MRC1: variants seen among roughly 807,000 people sequenced by gnomAD.
MRC1 encodes mannose receptor C-type 1.
A neutral mutation model predicts 102.9 loss-of-function variants in MRC1; 62 were observed. That is an observed-to-expected ratio of 0.60 (90% CI 0.49 to 0.74). The LOEUF (loss-of-function observed/expected upper bound fraction) is 0.74. MRC1 is among the 30% of genes least tolerant of loss of function. MRC1 has a pLI of 0.00. For synonymous variants in MRC1, 457 were observed against 298.4 expected, an observed-to-expected ratio of 1.53 and a Z score of -5.48; for missense variants, 1,237 against 862.8, an observed-to-expected ratio of 1.43 and a Z score of -5.43.
At chr10:17,820,087 G>A (rs1838373113) in intron 1 of MRC1, among the ~76,000 whole-genome samples, 1 of 152,178 alleles carries the variant, frequency 6.6e-6, no homozygotes, top group Non-Finnish European at 1.5e-5. Flanking sequence ...CCACGCTGAG[G>A]AGGGTGAGCT....
intron 12 of MRC1, among the ~76,000 whole-genome samples, chr10:17,869,759 A>C (rs1833328221): frequency 6.6e-6 from 1 of 152,226 alleles, no homozygotes; most frequent in African/African-American, 2.4e-5. Flanking sequence ...TTACCAACAA[A>C]ATATTGAAAC....
intron 9 of MRC1, 64 bp from the exon 10 acceptor site, chr10:17,861,323 T>C: frequency 1.4e-6 from 1 of 726,458 alleles, no homozygotes; most frequent in Admixed American, 2.1e-5. Context: ...CAAATAATAA[T>C]AATATTTTAT....
intron 12 of MRC1, among the ~76,000 whole-genome samples, chr10:17,869,383 G>T (rs1235056829): frequency 1.3e-5 from 2 of 152,162 alleles, no homozygotes; most frequent in Admixed American, 6.5e-5. Flanking sequence ...CAAGGTGAAG[G>T]TTGTCTTCGG....
chr10:17,902,741 G>A (rs1457579006), intron 26 of MRC1, among the ~76,000 whole-genome samples: 3 of 151,988 alleles, frequency 2.0e-5, no homozygotes, highest in African/African-American at 2.4e-5. Flanking sequence ...TTTTCTCCAC[G>A]TTCTTTCAAA....
At chr10:17,839,401 TA>T (rs1838716871) in intron 4 of MRC1, among the ~76,000 whole-genome samples, 1 of 152,210 alleles carries the variant, frequency 6.6e-6, no homozygotes, top group Non-Finnish European at 1.5e-5. Context: ...TAGCTAGTAT[TA>T]AAATGCTACT....
intron 16 of MRC1, 82 bp downstream of exon 16, chr10:17,873,907 C>T (rs1441109730): frequency 1.2e-6 from 1 of 843,212 alleles, no homozygotes; most frequent in Non-Finnish European, 2.1e-6. Context: ...AAATTACTTG[C>T]CCTAGGAAGG....
chr10:17,901,079 C>T, intron 25 of MRC1, 126 bp downstream of exon 25: 4 of 681,010 alleles, frequency 5.9e-6, no homozygotes, highest in Non-Finnish European at 1.1e-5. Context: ...AACATACTCC[C>T]TCACCTATCA....
intron 20 of MRC1, 99 bp from the exon 21 acceptor site, chr10:17,880,968 A>G (rs1833505574): frequency 1.3e-6 from 1 of 759,208 alleles, no homozygotes. Flanking sequence ...ATTTAGCTAT[A>G]ATCTTCATGA....
intron 18 of MRC1, among the ~76,000 whole-genome samples, chr10:17,878,270 A>C (rs1833464188): frequency 6.6e-6 from 1 of 152,216 alleles, no homozygotes; most frequent in African/African-American, 2.4e-5. Context: ...GACATATACA[A>C]ATACTGAATT....
chr10:17,900,959 T>G lies in MRC1; in HGVS notation c.3649+6T>G. The G allele has an allele frequency of 1.3e-6, 1 of 779,982 alleles. No homozygotes were observed. Among genetic ancestry groups the G allele is most frequent in the South Asian group, 1.3e-5 (1 of 74,432 alleles). The allele number at this position is 779,982 out of a possible 1,614,324, so 48.3% of individuals were successfully genotyped here. A position where few individuals can be genotyped will look rare whatever the true frequency, so the allele number is the denominator to read the frequency against. ...TCTCTGTAAAAGATCAGATGGTAAT[T>G]GAATATATAAAAACAGTCAGGGGAT... On this transcript the variant is annotated splice_donor_region_variant and intron_variant, in intron 25 of 29. Transcript: ENST00000569591.
At chr10:17,892,951 A>C (rs1168139160) in intron 22 of MRC1, among the ~76,000 whole-genome samples, 3 of 151,074 alleles carry the variant, frequency 2.0e-5, no homozygotes, top group African/African-American at 4.9e-5. Context: ...CAGAGGTTGC[A>C]GTGAGCCAGG....
intron 3 of MRC1, among the ~76,000 whole-genome samples, chr10:17,832,622 CT>C (rs1838593001): frequency 6.7e-6 from 1 of 148,816 alleles, no homozygotes; most frequent in Non-Finnish European, 1.5e-5. Flanking sequence ...GAGTCTCGCT[CT>C]GTCGCCCAGG....
chr10:17,825,092 A>T (rs895482620), intron 2 of MRC1, among the ~76,000 whole-genome samples: 146 of 152,224 alleles, frequency 9.6e-4, no homozygotes, highest in African/African-American at 3.4e-3. Context: ...AAGATCTCCC[A>T]GCACTTAAGA....
intron 24 of MRC1, among the ~76,000 whole-genome samples, chr10:17,899,440 T>C (rs940574739): frequency 2.6e-4 from 39 of 152,328 alleles, no homozygotes; most frequent in African/African-American, 9.4e-4. Context: ...TGGCAATATT[T>C]ATGACTACAA....
chr10:17,865,554 C>T (rs1241515408), intron 11 of MRC1: 2 of 152,352 alleles, frequency 1.3e-5, no homozygotes, highest in East Asian at 3.9e-4. Context: ...ATGGTATATC[C>T]TTGATGGAAG....
chr10:17,813,682 T>C (rs868957332), intron 1 of MRC1, among the ~76,000 whole-genome samples: 3 of 124,054 alleles, frequency 2.4e-5, no homozygotes, highest in Non-Finnish European at 3.3e-5. Flanking sequence ...CACACACACA[T>C]TATATATATA....
intron 1 of MRC1, among the ~76,000 whole-genome samples, chr10:17,817,498 A>C (rs1838331170): frequency 6.6e-6 from 1 of 152,054 alleles, no homozygotes; most frequent in African/African-American, 2.4e-5. Flanking sequence ...CAGGAAACTT[A>C]TGTCTTTTGT....
intron 3 of MRC1, 41 bp from the exon 4 acceptor site, chr10:17,833,634 C>G: frequency 1.3e-6 from 1 of 780,628 alleles, no homozygotes. Flanking sequence ...GAAGTGTTTT[C>G]TATGCATAAT....
Position 17,855,182 on chromosome 10 carries a change from C to G in MRC1, c.1408-1060C>G, listed in dbSNP as rs1589179906. Among the ~76,000 whole-genome samples the G allele has an allele frequency of 6.6e-5, 10 of 152,256 alleles. 2 individuals carry two copies. The highest frequency in any genetic ancestry group is 1.9e-4 in the East Asian group (1 of 5,186). On this transcript the variant is annotated intron_variant, in intron 8 of 29. Coordinates refer to ENST00000569591, the MANE Select transcript of MRC1 (RefSeq NM_002438.4). ...AAAAGATGACTGTGGTTTCATGATGCTTTCAAGTTGGTGTGTTGGGTGCAG... is the reference window on the plus strand; with the variant it reads ...AAAAGATGACTGTGGTTTCATGATGGTTTCAAGTTGGTGTGTTGGGTGCAG...
Sources: gnomAD v4.1 joint callset for allele counts (sites outside exome capture counted in the v4.1 genomes callset) on GRCh38, gnomAD v4.1.1 for gene constraint, MANE v1.5 for transcripts, NCBI Gene and HGNC (gene_info 2026-07-23, HGNC 2026-07-21) for gene names.